LRRC69: variants seen among roughly 807,000 people sequenced by gnomAD.
LRRC69 encodes leucine-rich repeat-containing protein 69.
LRRC69 carries 42 observed loss-of-function variants against 37.8 expected under a neutral mutation model. The observed-to-expected ratio is 1.11, with a 90% CI of 0.87 to 1.44. LRRC69 has a LOEUF of 1.44. Ranked by LOEUF, LRRC69 falls within the 40% of genes most tolerant of loss-of-function variation. The probability of loss-of-function intolerance (pLI) is 0.00; values close to 1 mark genes in which losing one functional copy is unlikely to be tolerated. For missense variants in LRRC69, 357 were observed against 401.9 expected, an observed-to-expected ratio of 0.89 and a Z score of 0.96; for synonymous variants, 141 against 143.1, an observed-to-expected ratio of 0.99 and a Z score of 0.11.
At chr8:91,216,714 T>C (rs1481540650) in intron 7 of LRRC69, among the ~76,000 whole-genome samples, 2 of 152,174 alleles carry the variant, frequency 1.3e-5, no homozygotes, top group Non-Finnish European at 2.9e-5. Context: ...TTAATCATTA[T>C]AATCTAGTTA....
At chr8:91,145,510 C>T (rs1394943516) in intron 5 of LRRC69, among the ~76,000 whole-genome samples, 1 of 151,902 alleles carries the variant, frequency 6.6e-6, no homozygotes, top group Non-Finnish European at 1.5e-5. Context: ...TTAAATGCCT[C>T]TCTAAAATTT....
intron 1 of LRRC69, among the ~76,000 whole-genome samples, chr8:91,111,119 A>G (rs1266801784): frequency 5.9e-5 from 9 of 152,110 alleles, no homozygotes; most frequent in Non-Finnish European, 1.3e-4. Flanking sequence ...AAAGTTTCCT[A>G]TTTAATAGTA....
At chr8:91,130,087 T>C (rs1045870644) in intron 3 of LRRC69, among the ~76,000 whole-genome samples, 15 of 152,164 alleles carry the variant, frequency 9.9e-5, no homozygotes, top group Admixed American at 4.6e-4. Flanking sequence ...CAGTGAATTC[T>C]TACCTCTCAT....
intron 5 of LRRC69, among the ~76,000 whole-genome samples, chr8:91,147,280 T>C (rs1191511371): frequency 6.8e-6 from 1 of 146,682 alleles, no homozygotes; most frequent in Non-Finnish European, 1.5e-5. Flanking sequence ...ATATATTATA[T>C]ATAAACATAT....
intron 5 of LRRC69, among the ~76,000 whole-genome samples, chr8:91,185,083 G>C (rs1248616829): frequency 2.0e-5 from 3 of 152,156 alleles, no homozygotes; most frequent in Non-Finnish European, 4.4e-5. Flanking sequence ...GCCTCTTCGG[G>C]CTACTGGTTC....
intron 3 of LRRC69, among the ~76,000 whole-genome samples, chr8:91,129,574 T>A (rs1040817960): frequency 2.0e-5 from 3 of 151,798 alleles, no homozygotes; most frequent in Non-Finnish European, 2.9e-5. Flanking sequence ...TAAAAATGAT[T>A]ATAAAAATGA....
intron 1 of LRRC69, among the ~76,000 whole-genome samples, chr8:91,112,127 A>T (rs1813418631): frequency 6.6e-6 from 1 of 151,990 alleles, no homozygotes; most frequent in South Asian, 2.1e-4. Flanking sequence ...AACAATAAAG[A>T]ATTTTTATCC....
At chr8:91,192,220 C>T (rs1362420896) in intron 6 of LRRC69, among the ~76,000 whole-genome samples, 1 of 151,942 alleles carries the variant, frequency 6.6e-6, no homozygotes, top group East Asian at 1.9e-4. Context: ...GTATATGTGC[C>T]ACATTTTCTT....
chr8:91,123,358 A>G (rs1400103228), intron 1 of LRRC69, among the ~76,000 whole-genome samples: 1 of 152,066 alleles, frequency 6.6e-6, no homozygotes, highest in Non-Finnish European at 1.5e-5. Context: ...GAAGGCCTCA[A>G]ACATGGTAGT....
intron 5 of LRRC69, among the ~76,000 whole-genome samples, chr8:91,139,803 A>G (rs1267948995): frequency 6.6e-6 from 1 of 151,742 alleles, no homozygotes; most frequent in Non-Finnish European, 1.5e-5. Flanking sequence ...AAAAAGTACC[A>G]TCTGGCCAGG....
chr8:91,186,627 G>C (rs1223215778), intron 5 of LRRC69, among the ~76,000 whole-genome samples: 1 of 152,174 alleles, frequency 6.6e-6, no homozygotes, highest in Non-Finnish European at 1.5e-5. Flanking sequence ...AGCTTTGAAA[G>C]GTTCTAAGCA....
intron 5 of LRRC69, among the ~76,000 whole-genome samples, chr8:91,142,319 C>A (rs375301689): frequency 6.6e-6 from 1 of 152,040 alleles, no homozygotes; most frequent in Non-Finnish European, 1.5e-5. Context: ...TAGAATCCTC[C>A]GTTAGCAATC....
intron 5 of LRRC69, among the ~76,000 whole-genome samples, chr8:91,186,627 G>A (rs1223215778): frequency 6.6e-6 from 1 of 152,172 alleles, no homozygotes; most frequent in African/African-American, 2.4e-5. Context: ...AGCTTTGAAA[G>A]GTTCTAAGCA....
chr8:91,108,326 G>T (rs1813354941), intron 1 of LRRC69, among the ~76,000 whole-genome samples: 1 of 152,064 alleles, frequency 6.6e-6, no homozygotes, highest in African/African-American at 2.4e-5. Context: ...AGTTATGTGT[G>T]TCTGCAGTGG....
intron 5 of LRRC69, among the ~76,000 whole-genome samples, chr8:91,150,484 T>C (rs1409269730): frequency 1.3e-5 from 2 of 152,022 alleles, no homozygotes; most frequent in African/African-American, 4.8e-5. Context: ...GGATTCAGTT[T>C]GCCAGTATTT....
chr8:91,150,803 T>C (rs1424523545), intron 5 of LRRC69, among the ~76,000 whole-genome samples: 1 of 152,042 alleles, frequency 6.6e-6, no homozygotes, highest in African/African-American at 2.4e-5. Flanking sequence ...TTCTTCCTGG[T>C]TTAGTCTTGG....
chr8:91,140,079 G>C (rs1008267194), intron 5 of LRRC69, among the ~76,000 whole-genome samples: 20 of 108,194 alleles, frequency 1.8e-4, no homozygotes, highest in African/African-American at 7.6e-4. Flanking sequence ...CAGCAAAAGC[G>C]AAACTCCGTC....
chr8:91,204,671 C>T (rs536320345), intron 7 of LRRC69, among the ~76,000 whole-genome samples: 2 of 152,240 alleles, frequency 1.3e-5, no homozygotes, highest in East Asian at 3.9e-4. Flanking sequence ...TCCCCAGGGA[C>T]AATCGATGAG....
At chr8:91,171,451 A>C (rs1809130697) in intron 5 of LRRC69, among the ~76,000 whole-genome samples, 1 of 152,178 alleles carries the variant, frequency 6.6e-6, no homozygotes, top group South Asian at 2.1e-4. Flanking sequence ...TAAAATGCGT[A>C]AGCTGAACCA....
Sources: allele counts gnomAD v4.1 joint callset (sites outside exome capture counted in the v4.1 genomes callset), GRCh38; gene constraint gnomAD v4.1.1; transcripts MANE v1.5; gene names NCBI Gene and HGNC (gene_info 2026-07-23, HGNC 2026-07-21).